WASHC4: variants seen among roughly 807,000 people sequenced by gnomAD.
The protein encoded by WASHC4 is WASH complex subunit 7.
WASHC4 carries 86 observed loss-of-function variants against 166.6 expected under a neutral mutation model. That is an observed-to-expected ratio of 0.52 (90% confidence interval 0.43 to 0.62). WASHC4 has a LOEUF of 0.62. Among genes scored for constraint, WASHC4 ranks in the 20% least tolerant of loss-of-function variants. The pLI, the probability that WASHC4 is intolerant of heterozygous loss-of-function variation, is 0.00. For synonymous variants in WASHC4, 446 were observed against 451.6 expected (o/e 0.99, Z 0.16); for missense variants, 1,262 against 1,382.4 (o/e 0.91, Z 1.38).
At chr12:105,133,736 T>G in intron 13 of WASHC4, 34 bp from the exon 14 acceptor site, 3 of 1,598,102 alleles carry the variant, frequency 1.9e-6, no homozygotes, top group Non-Finnish European at 2.6e-6. Context: ...GTAAATTTTC[T>G]TTGCTGAGTA....
chr12:105,118,292 T>C (rs1484028859), intron 6 of WASHC4, among the ~76,000 whole-genome samples, 154 bp from the exon 7 acceptor site: 1 of 152,232 alleles, frequency 6.6e-6, no homozygotes, highest in Non-Finnish European at 1.5e-5. Flanking sequence ...TATTGATTGC[T>C]TGAGGGATGC....
chr12:105,132,486 T>G (rs1303357794), intron 13 of WASHC4, among the ~76,000 whole-genome samples: 1 of 152,226 alleles, frequency 6.6e-6, no homozygotes, highest in Non-Finnish European at 1.5e-5. Flanking sequence ...ACTAAGTTTT[T>G]TAAAGAAAAG....
At position 105,162,796 on chromosome 12, in the gene WASHC4, TAAAAAA is replaced by T. The variant is rs759438790; in HGVS notation, c.3111_3116del (p.Lys1037_Lys1038del). 5.0e-6 allele frequency: 8 copies of T among 1,603,522 alleles called. No individual in the cohort carries two copies. In the Admixed American group the frequency reaches 1.3e-4, roughly 27 times the overall value. On this transcript the variant is annotated inframe_deletion, in exon 30 of 33. Coordinates refer to ENST00000332180, the MANE Select transcript of WASHC4 (RefSeq NM_015275.3). ...CCATTAGTTGCAAGGAAAAATTAAA[TAAAAAA>T]AATAAAATTGGAGCTGCCTTTACTG...
At chr12:105,166,821 A>AATGAACATAAAT (rs758847595) in intron 32 of WASHC4, 43 bp from the exon 33 acceptor site, 2 of 1,334,364 alleles carry the variant, frequency 1.5e-6, no homozygotes. Context: ...ATTGTTTAAA[A>AATGAACATAAAT]ATGAACATAA....
intron 8 of WASHC4, 85 bp from the exon 9 acceptor site, chr12:105,121,016 C>A: frequency 1.2e-6 from 1 of 865,930 alleles, no homozygotes; most frequent in Non-Finnish European, 1.9e-6. Context: ...CAGTAATCAG[C>A]CCAAATGATT....
intron 26 of WASHC4, among the ~76,000 whole-genome samples, chr12:105,153,178 C>CAAACAGTAA (rs1271296051): frequency 2.6e-5 from 4 of 152,198 alleles, no homozygotes; most frequent in African/African-American, 9.6e-5. Flanking sequence ...ATATTAACAC[C>CAAACAGTAA]AAACAGTAAA....
At chr12:105,138,339 T>G (rs929569976) in intron 15 of WASHC4, among the ~76,000 whole-genome samples, 1 of 147,368 alleles carries the variant, frequency 6.8e-6, no homozygotes, top group Non-Finnish European at 1.5e-5. Context: ...CTCTTGGAAG[T>G]TTTAAAAAGG....
At chr12:105,149,982 T>C (rs1470995234) in intron 25 of WASHC4, among the ~76,000 whole-genome samples, 1 of 152,186 alleles carries the variant, frequency 6.6e-6, no homozygotes, top group Non-Finnish European at 1.5e-5. Flanking sequence ...CATGCTTATT[T>C]TGAAACATTT....
intron 24 of WASHC4, chr12:105,148,912 T>G: frequency 1.0e-6 from 1 of 985,338 alleles, no homozygotes; most frequent in Non-Finnish European, 1.2e-6. Flanking sequence ...TAATCTCAGC[T>G]CATACCTCAC....
intron 25 of WASHC4, among the ~76,000 whole-genome samples, chr12:105,151,292 C>T (rs1456891604): frequency 3.9e-5 from 6 of 152,098 alleles, no homozygotes; most frequent in Admixed American, 1.3e-4. Context: ...AACCAACAGG[C>T]TTAGATGGGT....
chr12:105,149,712 G>T lies in WASHC4; in HGVS notation c.2612G>T (p.Arg871Leu). ...HIKSRLIKDIRFFREIKDQND... is the reference protein window; with the variant it reads ...HIKSRLIKDILFFREIKDQND... ...AAATCCAGATTGATTAAAGATATTC[G>T]ATTTTTCAGGGAAATTAAGGACCAA... Residue 871 changes from arginine to leucine, a missense_variant, in exon 25 of 33, where the codon CGA becomes CTA. By Grantham distance (102) the Arg-to-Leu change is moderately radical. Transcript: ENST00000332180. 2 of 1,587,318 alleles carry T rather than the reference G, an allele frequency of 1.3e-6. No homozygotes were observed. The highest frequency in any genetic ancestry group is 2.2e-5 in the South Asian group (2 of 89,622).
intron 1 of WASHC4, among the ~76,000 whole-genome samples, chr12:105,109,649 C>CTTTTTTTTT (rs36080234): frequency 1.9e-4 from 19 of 97,592 alleles, no homozygotes; most frequent in African/African-American, 6.7e-4. Context: ...CTAGCATTGT[C>CTTTTTTTTT]TTTTTTTTTT....
chr12:105,161,921 A>G (rs1226601078), intron 29 of WASHC4, among the ~76,000 whole-genome samples: 1 of 152,256 alleles, frequency 6.6e-6, no homozygotes, highest in Non-Finnish European at 1.5e-5. Flanking sequence ...AATTAAAATC[A>G]TAAGGCAGGG....
At chr12:105,163,495 T>A (rs1884627383) in intron 30 of WASHC4, among the ~76,000 whole-genome samples, 1 of 152,008 alleles carries the variant, frequency 6.6e-6, no homozygotes, top group Admixed American at 6.6e-5. Flanking sequence ...TTTTAGCAGT[T>A]GAAGTGTTTT....
At chr12:105,130,808 A>G (rs766616315) in intron 13 of WASHC4, among the ~76,000 whole-genome samples, 1 of 152,210 alleles carries the variant, frequency 6.6e-6, no homozygotes, top group Non-Finnish European at 1.5e-5. Context: ...CTTTTGATTC[A>G]CAACCACTTT....
chr12:105,139,816 A>G (rs1355619107), intron 15 of WASHC4, among the ~76,000 whole-genome samples: 1 of 151,328 alleles, frequency 6.6e-6, no homozygotes, highest in Non-Finnish European at 1.5e-5. Flanking sequence ...TATTTTCTTT[A>G]TAGAGACTTT....
chr12:105,131,001 A>G (rs1196819), intron 13 of WASHC4, among the ~76,000 whole-genome samples: 132,691 of 152,064 alleles, frequency 0.87, 58,152 homozygotes, highest in East Asian at 1. Flanking sequence ...AGGACACTTC[A>G]CGATTTTTGT....
At chr12:105,164,506 TTTC>T in intron 31 of WASHC4, 132 bp from the exon 32 acceptor site, 1 of 820,398 alleles carries the variant, frequency 1.2e-6, no homozygotes, top group Non-Finnish European at 2.0e-6. Flanking sequence ...GGGTTACTTA[TTTC>T]AGTTTCTGTA....
intron 6 of WASHC4, 128 bp from the exon 7 acceptor site, chr12:105,118,317 CT>C (rs1880386291): frequency 1.4e-6 from 1 of 733,044 alleles, no homozygotes; most frequent in Non-Finnish European, 2.5e-6. Context: ...ACTTGTCTGG[CT>C]TTTGGTTAAC....
Sources: allele counts gnomAD v4.1 joint callset (sites outside exome capture counted in the v4.1 genomes callset), GRCh38; gene constraint gnomAD v4.1.1; transcripts MANE v1.5; gene names NCBI Gene and HGNC (gene_info 2026-07-23, HGNC 2026-07-21).